The following HS1BP3 variants were observed in gnomAD, a reference collection of about 807,000 sequenced individuals.
HS1BP3 encodes HCLS1-binding protein 3.
HS1BP3 carries 32 observed loss-of-function variants against 33.5 expected under a neutral mutation model. The ratio of observed to expected loss-of-function variants is 0.95; its 90% CI spans 0.72 to 1.28. The LOEUF is 1.28. Among genes scored for constraint, HS1BP3 ranks in the 50% most tolerant of loss-of-function variants. The pLI is 0.00. For synonymous variants in HS1BP3, 187 were observed against 209.2 expected (o/e 0.89, Z 0.92); for missense variants, 486 against 502.3 (o/e 0.97, Z 0.31).
At chr2:20,574,514 T>C (rs1161284412) in intron 5 of HS1BP3, among the ~76,000 whole-genome samples, 2 of 152,130 alleles carry the variant, frequency 1.3e-5, no homozygotes, top group Non-Finnish European at 2.9e-5. Flanking sequence ...TGAGCTGGAC[T>C]GGGAGAGGAA....
chr2:20,557,779 C>T (rs567899274), downstream of HS1BP3, among the ~76,000 whole-genome samples: 178 of 152,278 alleles, frequency 1.2e-3, no homozygotes, highest in African/African-American at 4.0e-3. Flanking sequence ...CTGAACATGG[C>T]TCTCTCCTGG....
intron 3 of HS1BP3, among the ~76,000 whole-genome samples, chr2:20,597,495 G>A (rs1030494225): frequency 6.6e-6 from 1 of 152,144 alleles, no homozygotes; most frequent in Non-Finnish European, 1.5e-5. Flanking sequence ...AGAAAAGGAA[G>A]TTGATTTCCA....
Position 20,623,874 on chromosome 2 carries a change from C to T in HS1BP3, c.920+22G>A, listed in dbSNP as rs371116505. 8.7e-5 allele frequency: 139 copies of T among 1,604,312 alleles called. No homozygotes were observed. The African/African-American group carries it at 9.8e-4, about 11-fold the overall frequency. On this transcript the variant is annotated intron_variant, in intron 6 of 6. Transcript: ENST00000304031. ...CAGAACACTCTCAGAGCTGGCCAAG[C>T]GCCGCTGGGGACAGGTGGTACCTGA...
At chr2:20,604,942 G>T (rs1160587759) in intron 2 of HS1BP3, among the ~76,000 whole-genome samples, 1 of 152,168 alleles carries the variant, frequency 6.6e-6, no homozygotes, top group Non-Finnish European at 1.5e-5. Flanking sequence ...CAGGCTCCTT[G>T]AGGTTGGGAG....
intron 5 of HS1BP3, among the ~76,000 whole-genome samples, chr2:20,569,291 A>C (rs1323812723): frequency 6.6e-6 from 1 of 152,248 alleles, no homozygotes; most frequent in African/African-American, 2.4e-5. Flanking sequence ...ACCTTCAGAC[A>C]ATAACGTGTC....
At chr2:20,557,307 A>G (rs1463040963), downstream of HS1BP3, among the ~76,000 whole-genome samples, 1 of 152,194 alleles carries the variant, frequency 6.6e-6, no homozygotes, top group East Asian at 1.9e-4. Context: ...TGCCTTCCAG[A>G]CAAAGACCTG....
At chr2:20,638,366 G>C in intron 4 of HS1BP3, 70 bp downstream of exon 4, 1 of 1,448,050 alleles carries the variant, frequency 6.9e-7, no homozygotes, top group Non-Finnish European at 9.5e-7. Context: ...CAGATTCCAG[G>C]GAAGGGGGAC....
chr2:20,626,981 T>G (rs1170061129), intron 4 of HS1BP3, among the ~76,000 whole-genome samples: 2 of 152,176 alleles, frequency 1.3e-5, no homozygotes, highest in African/African-American at 4.8e-5. Flanking sequence ...ACAGCAAAGC[T>G]GACCCCAGCC....
At chr2:20,626,013 C>T (rs60714387) in intron 4 of HS1BP3, among the ~76,000 whole-genome samples, 2,235 of 152,246 alleles carry the variant, frequency 0.015, 37 homozygotes, top group African/African-American at 0.044. Context: ...ACTGAAATTC[C>T]GTGTGCCTGT....
intron 5 of HS1BP3, among the ~76,000 whole-genome samples, chr2:20,567,148 C>T (rs1693149556): frequency 2.0e-5 from 3 of 151,860 alleles, no homozygotes; most frequent in Admixed American, 6.6e-5. Flanking sequence ...GTTTTACAGA[C>T]GACAACACCG....
chr2:20,555,509 A>G (rs1009404712), downstream of HS1BP3, among the ~76,000 whole-genome samples: 4 of 152,220 alleles, frequency 2.6e-5, no homozygotes, highest in Non-Finnish European at 5.9e-5. Flanking sequence ...GGGTACCCAC[A>G]TGGGGAGGTG....
At chr2:20,629,347 T>A (rs974943381) in intron 4 of HS1BP3, among the ~76,000 whole-genome samples, 1 of 152,220 alleles carries the variant, frequency 6.6e-6, no homozygotes, top group Non-Finnish European at 1.5e-5. Context: ...TCCACCCAGC[T>A]GTCTGCAGGC....
intron 2 of HS1BP3, chr2:20,606,590 G>A (rs893596496): frequency 4.9e-5 from 24 of 487,890 alleles, no homozygotes; most frequent in African/African-American, 4.5e-4. Context: ...TTTGCTCACT[G>A]GGTCTTTGTC....
the HS1BP3 span, among the ~76,000 whole-genome samples, chr2:20,554,086 G>A: frequency 6.6e-6 from 1 of 152,094 alleles, no homozygotes; most frequent in Non-Finnish European, 1.5e-5. Context: ...TACATTACAG[G>A]GGAGGAAGAA....
chr2:20,596,398 G>C (rs1693944135), intron 3 of HS1BP3, among the ~76,000 whole-genome samples: 1 of 152,192 alleles, frequency 6.6e-6, no homozygotes, highest in Non-Finnish European at 1.5e-5. Context: ...GCAGGGATTA[G>C]GTCATGAGGG....
At position 20,624,832 on chromosome 2, in the gene HS1BP3, G is replaced by T; in HGVS notation, c.684C>A (p.Leu228=). The change falls in exon 5 of 7, where the codon CTC becomes CTA. Residue 228 remains leucine, a synonymous_variant. Transcript: ENST00000304031. ...VAVKAKPSPR[L]TIFDEEVDPD... ...GGTCCACCTCCTCGTCAAAGATGGT[G>T]AGCCGGGGCGAGGGCTTGGCTTTCA... The T allele has an allele frequency of 6.2e-7, 1 of 1,613,870 alleles. No homozygotes were observed. Among genetic ancestry groups the T allele is most frequent in the Non-Finnish European group, 8.5e-7 (1 of 1,179,944 alleles).
At chr2:20,634,353 A>C (rs1196939889) in intron 4 of HS1BP3, among the ~76,000 whole-genome samples, 1 of 152,258 alleles carries the variant, frequency 6.6e-6, no homozygotes, top group Non-Finnish European at 1.5e-5. Flanking sequence ...GGCCCTACCC[A>C]GATCTGAGGG....
intron 4 of HS1BP3, among the ~76,000 whole-genome samples, chr2:20,629,657 G>A (rs781478249): frequency 6.6e-6 from 1 of 152,240 alleles, no homozygotes; most frequent in Non-Finnish European, 1.5e-5. Flanking sequence ...GCATGAGGTA[G>A]GTGGGGTGCT....
rs747980599 is a variant in HS1BP3, at chr2:20,568,929, G to A, written c.303-8414C>T. Among the ~76,000 whole-genome samples, 42 of 152,312 alleles carry A rather than the reference G, an allele frequency of 2.8e-4. 1 individual carries two copies. The highest frequency in any genetic ancestry group is 1.9e-3 in the Admixed American group (29 of 15,300). On this transcript the variant is annotated intron_variant, in intron 5 of 5. Transcript: ENST00000446825. ...GGAGATTGCCCTCGAGGCCGTCTTG[G>A]TCACTCCAAAGCTTAGCCCACAGCC...
Sources: gnomAD v4.1 joint callset for allele counts (sites outside exome capture counted in the v4.1 genomes callset) on GRCh38, gnomAD v4.1.1 for gene constraint, MANE v1.5 for transcripts, NCBI Gene and HGNC (gene_info 2026-07-23, HGNC 2026-07-21) for gene names.